Variants in GRID2 observed in about 807,000 individuals in gnomAD.
GRID2 encodes the protein glutamate ionotropic receptor delta type subunit 2.
Under a neutral mutation model 114.8 loss-of-function variants are expected in GRID2, and 33 were observed. The observed-to-expected ratio is 0.29, with a 90% confidence interval of 0.22 to 0.38. The LOEUF is 0.38. Ranked by LOEUF, GRID2 falls within the 10% of genes least tolerant of loss-of-function variation. The pLI, the probability that GRID2 is intolerant of heterozygous loss-of-function variation, is 1.00. For synonymous variants in GRID2, 505 were observed against 449.9 expected (o/e 1.12, Z -1.55); for missense variants, 1,184 against 1,257.7 (o/e 0.94, Z 0.89).
chr4:93,098,989 CTGTGTGTG>C (rs71579585), intron 3 of GRID2, among the ~76,000 whole-genome samples: 80 of 138,980 alleles, frequency 5.8e-4, no homozygotes, highest in South Asian at 9.7e-4. Context: ...AGATCATTTC[CTGTGTGTG>C]TGTGTGTGTG....
chr4:93,076,543 A>G (rs1332398395), intron 2 of GRID2, among the ~76,000 whole-genome samples: 2 of 151,894 alleles, frequency 1.3e-5, no homozygotes, highest in Non-Finnish European at 2.9e-5. Context: ...ATTATCAAGA[A>G]TAGTCATTGG....
intron 2 of GRID2, among the ~76,000 whole-genome samples, chr4:92,875,131 T>A: frequency 6.9e-6 from 1 of 144,530 alleles, no homozygotes; most frequent in African/African-American, 2.5e-5. Flanking sequence ...TTCATGAAAC[T>A]AAATATTAAC....
At chr4:92,616,756 G>A (rs1730022245) in intron 2 of GRID2, among the ~76,000 whole-genome samples, 2 of 151,412 alleles carry the variant, frequency 1.3e-5, no homozygotes, top group Admixed American at 1.3e-4. Context: ...ATTGATATCT[G>A]GGAGTATTTA....
Position 93,606,721 on chromosome 4 carries a change from G to A in GRID2, c.2194-19548G>A, listed in dbSNP as rs577131659. Among the ~76,000 whole-genome samples, 10 of 152,244 alleles carry A rather than the reference G, an allele frequency of 6.6e-5. No homozygotes were observed. In the East Asian group the frequency reaches 1.9e-3, roughly 29 times the overall value. On this transcript the variant is annotated intron_variant, in intron 13 of 15. Coordinates refer to ENST00000282020, the MANE Select transcript of GRID2 (RefSeq NM_001510.4). The stretch of plus-strand genomic sequence containing the variant: ...ATTATTCAGTTTAAAGTTAAGGTGT[G>A]TCAATGGCCCTCCTGGCCTGACTAG...
At chr4:92,582,783 C>G (rs1173171746) in intron 1 of GRID2, among the ~76,000 whole-genome samples, 1 of 151,610 alleles carries the variant, frequency 6.6e-6, no homozygotes, top group African/African-American at 2.4e-5. Flanking sequence ...CTCAGAAGTT[C>G]GAGATAAGCC....
intron 1 of GRID2, among the ~76,000 whole-genome samples, chr4:92,330,788 C>T (rs1726846247): frequency 6.6e-6 from 1 of 151,754 alleles, no homozygotes; most frequent in South Asian, 2.1e-4. Context: ...ATTCTAAGTT[C>T]TTGAAACAAA....
intron 1 of GRID2, among the ~76,000 whole-genome samples, chr4:92,331,327 A>G (rs1726878476): frequency 6.6e-6 from 1 of 152,206 alleles, no homozygotes; most frequent in South Asian, 2.1e-4. Flanking sequence ...TTTAGACATT[A>G]GAGGTGAAAT....
At chr4:93,511,242 T>C (rs1388350440) in intron 12 of GRID2, among the ~76,000 whole-genome samples, 1 of 152,146 alleles carries the variant, frequency 6.6e-6, no homozygotes, top group Non-Finnish European at 1.5e-5. Context: ...TGGCCCCAAA[T>C]TAATTTTAAA....
At chr4:92,933,218 G>A (rs1475650625) in intron 2 of GRID2, among the ~76,000 whole-genome samples, 1 of 150,640 alleles carries the variant, frequency 6.6e-6, no homozygotes, top group Non-Finnish European at 1.5e-5. Context: ...GATTACTGTG[G>A]AAATATATTC....
intron 2 of GRID2, among the ~76,000 whole-genome samples, chr4:93,044,189 G>A (rs76507345): frequency 0.01 from 1,553 of 152,108 alleles, 12 homozygotes; most frequent in Non-Finnish European, 0.016. Flanking sequence ...GCTTCGTAGA[G>A]TTTATACAAA....
At chr4:93,687,785 G>A (rs555899363) in intron 14 of GRID2, among the ~76,000 whole-genome samples, 1 of 152,016 alleles carries the variant, frequency 6.6e-6, no homozygotes, top group East Asian at 1.9e-4. Flanking sequence ...AAGTATTTCT[G>A]TTATAAAAGA....
chr4:93,036,589 A>G (rs17020096), intron 2 of GRID2, among the ~76,000 whole-genome samples: 1,714 of 152,322 alleles, frequency 0.011, 16 homozygotes, highest in East Asian at 0.053. Flanking sequence ...ATAGTCATAA[A>G]AAGATAAGGA....
At chr4:93,469,449 T>C (rs1724595737) in intron 11 of GRID2, among the ~76,000 whole-genome samples, 1 of 151,858 alleles carries the variant, frequency 6.6e-6, no homozygotes, top group Non-Finnish European at 1.5e-5. Context: ...ATATTTTTAT[T>C]ATTTTTATTT....
chr4:93,151,755 C>T (rs1394153628), intron 4 of GRID2, among the ~76,000 whole-genome samples: 1 of 152,026 alleles, frequency 6.6e-6, no homozygotes, highest in Non-Finnish European at 1.5e-5. Context: ...CCAACAGTGC[C>T]AGGTCACAAT....
intron 1 of GRID2, among the ~76,000 whole-genome samples, chr4:92,306,120 G>A (rs553538349): frequency 3.3e-5 from 5 of 152,342 alleles, no homozygotes; most frequent in African/African-American, 1.2e-4. Context: ...TCTGTCTAGC[G>A]TGCGCGCCCA....
chr4:93,509,138 T>C (rs909807590), intron 12 of GRID2, among the ~76,000 whole-genome samples: 3 of 152,180 alleles, frequency 2.0e-5, no homozygotes, highest in Non-Finnish European at 4.4e-5. Context: ...ATGATCAGAT[T>C]GCATATCAGA....
At chr4:93,353,956 T>C (rs1761053415) in intron 8 of GRID2, among the ~76,000 whole-genome samples, 1 of 151,932 alleles carries the variant, frequency 6.6e-6, no homozygotes. Context: ...GGACTTGAAA[T>C]TGACATTGTT....
At chr4:92,650,191 T>C (rs1731856558) in intron 2 of GRID2, among the ~76,000 whole-genome samples, 1 of 152,048 alleles carries the variant, frequency 6.6e-6, no homozygotes, top group Non-Finnish European at 1.5e-5. Context: ...GGAGGAAATA[T>C]TCATGATACT....
At chr4:92,375,522 C>G (rs1159418704) in intron 1 of GRID2, among the ~76,000 whole-genome samples, 1 of 152,112 alleles carries the variant, frequency 6.6e-6, no homozygotes, top group Non-Finnish European at 1.5e-5. Context: ...AATGCCATTC[C>G]ATGCGTGGGA....
Sources: allele counts gnomAD v4.1 joint callset (sites outside exome capture counted in the v4.1 genomes callset), GRCh38; gene constraint gnomAD v4.1.1; transcripts MANE v1.5; gene names NCBI Gene and HGNC (gene_info 2026-07-23, HGNC 2026-07-21).